Variants in GPHN observed in about 807,000 individuals in gnomAD.
GPHN encodes the protein gephyrin.
A neutral mutation model predicts 95.5 loss-of-function variants in GPHN; 17 were observed. The ratio of observed to expected loss-of-function variants is 0.18; its 90% CI spans 0.12 to 0.27. The LOEUF is 0.27. Ranked by LOEUF, GPHN falls within the 10% of genes least tolerant of loss-of-function variation. The pLI is 1.00. For missense variants in GPHN, 660 were observed against 978.1 expected (o/e 0.67, Z 4.34); for synonymous variants, 320 against 322.5 (o/e 0.99, Z 0.08).
intron 2 of GPHN, among the ~76,000 whole-genome samples, chr14:66,750,738 A>G (rs2058333698): frequency 6.6e-6 from 1 of 152,006 alleles, no homozygotes; most frequent in Non-Finnish European, 1.5e-5. Context: ...TCCAAAAACA[A>G]ATGAAATCAA....
At chr14:67,388,161 A>AT in the GPHN span, 1 of 1,010,140 alleles carries the variant, frequency 9.9e-7, no homozygotes, top group Non-Finnish European at 1.6e-6. Context: ...TTAGTGGGAC[A>AT]TTACTGAGGT....
chr14:67,350,769 T>TAA, the GPHN span: 1 of 1,331,284 alleles, frequency 7.5e-7, no homozygotes, highest in Non-Finnish European at 1.1e-6. Context: ...GTTCCTTTAA[T>TAA]AACCATCAGT....
chr14:67,065,945 C>G (rs2076039566), intron 11 of GPHN, among the ~76,000 whole-genome samples: 1 of 151,674 alleles, frequency 6.6e-6, no homozygotes, highest in Non-Finnish European at 1.5e-5. Flanking sequence ...CATTTAAGGT[C>G]CATATTGTTA....
At chr14:67,653,330 G>T in the GPHN span, 3 of 883,866 alleles carry the variant, frequency 3.4e-6, no homozygotes, top group Non-Finnish European at 5.4e-6. Flanking sequence ...GGGACTATGC[G>T]TCAACTGCTG....
intron 17 of GPHN, among the ~76,000 whole-genome samples, chr14:67,127,852 A>G (rs951012453): frequency 1.3e-5 from 2 of 152,234 alleles, no homozygotes; most frequent in East Asian, 1.9e-4. Flanking sequence ...ATTGAAGTCT[A>G]TTATGTAGAA....
At chr14:67,449,644 T>G in the GPHN span, among the ~76,000 whole-genome samples, 655 of 152,286 alleles carry the variant, frequency 4.3e-3, 2 homozygotes, top group African/African-American at 0.015. Flanking sequence ...CTAATATGGT[T>G]TGGCTCTGTG....
the GPHN span, among the ~76,000 whole-genome samples, chr14:67,308,013 G>A: frequency 6.6e-6 from 1 of 152,058 alleles, no homozygotes; most frequent in African/African-American, 2.4e-5. Flanking sequence ...TCTCTTACAT[G>A]TGGGAGCTAA....
At chr14:67,045,441 CTCTCTG>C (rs983666235) in intron 10 of GPHN, among the ~76,000 whole-genome samples, 3 of 149,676 alleles carry the variant, frequency 2.0e-5, no homozygotes, top group Non-Finnish European at 3.0e-5. Flanking sequence ...GTCTTTGTCT[CTCTCTG>C]TCTCTGTCTC....
the GPHN span, chr14:67,614,895 A>G: frequency 1.3e-5 from 2 of 151,958 alleles, no homozygotes; most frequent in Admixed American, 1.3e-4. Context: ...TACTGTATAA[A>G]TGAGCACCTC....
At chr14:66,882,691 T>G (rs1407943020) in intron 5 of GPHN, among the ~76,000 whole-genome samples, 1 of 151,794 alleles carries the variant, frequency 6.6e-6, no homozygotes, top group Non-Finnish European at 1.5e-5. Context: ...TCTTAAGTGA[T>G]GACCATGGTT....
the GPHN span, among the ~76,000 whole-genome samples, chr14:67,237,833 G>C: frequency 6.9e-3 from 1,049 of 152,224 alleles, 18 homozygotes; most frequent in African/African-American, 0.024. Context: ...TGACTCAGCA[G>C]GTGAACTGCT....
the GPHN span, among the ~76,000 whole-genome samples, chr14:67,524,831 A>G: frequency 6.6e-6 from 1 of 152,162 alleles, no homozygotes; most frequent in Non-Finnish European, 1.5e-5. Flanking sequence ...GGCCCCTCTG[A>G]TCTGAACAGT....
At chr14:66,777,046 A>G (rs1003657832) in intron 3 of GPHN, among the ~76,000 whole-genome samples, 4 of 151,896 alleles carry the variant, frequency 2.6e-5, no homozygotes, top group Non-Finnish European at 4.4e-5. Flanking sequence ...GTTTTTTGAA[A>G]GGATCAACAA....
chr14:66,520,650 A>T (rs2058441370), intron 1 of GPHN, among the ~76,000 whole-genome samples: 1 of 152,010 alleles, frequency 6.6e-6, no homozygotes, highest in African/African-American at 2.4e-5. Flanking sequence ...AAGTTATAGT[A>T]ATAGTTTCAT....
chr14:67,581,977 CT>C, the GPHN span: 1 of 1,284,852 alleles, frequency 7.8e-7, no homozygotes, highest in Non-Finnish European at 1.1e-6. Context: ...AGTACTTTAT[CT>C]TTTTGGAAAT....
the GPHN span, among the ~76,000 whole-genome samples, chr14:67,496,943 G>A: frequency 6.6e-6 from 1 of 151,904 alleles, no homozygotes; most frequent in African/African-American, 2.4e-5. Flanking sequence ...GATTACAGGT[G>A]CCCGCCACCA....
chr14:67,395,271 G>T, the GPHN span: 1 of 716,420 alleles, frequency 1.4e-6, no homozygotes. Context: ...ACAGCTGAAG[G>T]CCCTGAAGCA....
intron 1 of GPHN, among the ~76,000 whole-genome samples, chr14:66,626,475 G>A (rs567783367): frequency 2.0e-5 from 3 of 152,126 alleles, no homozygotes; most frequent in Non-Finnish European, 2.9e-5. Flanking sequence ...AGTGCTAATA[G>A]TAATATATTT....
intron 8 of GPHN, among the ~76,000 whole-genome samples, chr14:66,961,900 G>GTATGTATA (rs2068929443): frequency 5.7e-5 from 3 of 53,006 alleles, no homozygotes; most frequent in South Asian, 6.8e-4. Flanking sequence ...CCCTGAATGT[G>GTATGTATA]TATATATATA....
Sources: gnomAD v4.1 joint callset for allele counts (sites outside exome capture counted in the v4.1 genomes callset) on GRCh38, gnomAD v4.1.1 for gene constraint, MANE v1.5 for transcripts, NCBI Gene and HGNC (gene_info 2026-07-23, HGNC 2026-07-21) for gene names.